REV1: variants seen among roughly 807,000 people sequenced by gnomAD.
REV1 encodes REV1 DNA directed polymerase.
Under a neutral mutation model 137.4 loss-of-function variants are expected in REV1, and 42 were observed. The ratio of observed to expected loss-of-function variants is 0.31; its 90% CI spans 0.24 to 0.40. REV1 has a LOEUF of 0.40. Among genes scored for constraint, REV1 ranks in the 10% least tolerant of loss-of-function variants. REV1 has a pLI of 1.00. For missense variants in REV1, 1,282 were observed against 1,490.1 expected, an observed-to-expected ratio of 0.86 and a Z score of 2.30; for synonymous variants, 524 against 519.2, an observed-to-expected ratio of 1.01 and a Z score of -0.12.
chr2:99,486,917 GAA>G (rs10711134), intron 1 of REV1, among the ~76,000 whole-genome samples: 2 of 149,382 alleles, frequency 1.3e-5, no homozygotes, highest in Non-Finnish European at 3.0e-5. Context: ...AAATAAGTGG[GAA>G]AAAAAAAACA....
chr2:99,417,313 T>G (rs1678036355), intron 12 of REV1, among the ~76,000 whole-genome samples: 1 of 152,074 alleles, frequency 6.6e-6, no homozygotes, highest in African/African-American at 2.4e-5. Flanking sequence ...GCTAATTTTT[T>G]TTGTAGTTCT....
In REV1 at chr2:99,438,850, T is replaced by C. The variant is rs780928985; in HGVS notation, c.964A>G (p.Ser322Gly). The C allele has an allele frequency of 1.2e-6, 2 of 1,614,134 alleles. No homozygotes were observed. Among genetic ancestry groups the C allele is most frequent in the East Asian group, 2.2e-5 (1 of 44,904 alleles). ...GATACTGAAGAAGTGCTTTTTGTGC[T>C]TGAAGGCCCCTGAACAGTGGAGTGG... ...AHHSTVQGPS[S>G]TKSTSSVSTF... Residue 322 changes from serine (S) to glycine (G), a missense_variant, in exon 6 of 23, where the codon AGC becomes GGC. Around this residue, in one of 7 missense-constraint regions of REV1, gnomAD observed 432 missense variants for 438.0 expected, o/e 0.99. Transcript: ENST00000258428.
chr2:99,426,526 G>A (rs1431759031), intron 9 of REV1, among the ~76,000 whole-genome samples: 1 of 152,034 alleles, frequency 6.6e-6, no homozygotes, highest in Non-Finnish European at 1.5e-5. Context: ...CTGTTTAAGA[G>A]CCATTAGACA....
At chr2:99,447,821 C>A (rs1451246) in intron 4 of REV1, among the ~76,000 whole-genome samples, 66,956 of 150,928 alleles carry the variant, frequency 0.44, 14,997 homozygotes, top group Admixed American at 0.58. Context: ...CCTGGGTTCA[C>A]GCGATTCTCC....
At chr2:99,456,876 G>A (rs548747688) in intron 3 of REV1, among the ~76,000 whole-genome samples, 1 of 152,280 alleles carries the variant, frequency 6.6e-6, no homozygotes, top group East Asian at 1.9e-4. Context: ...CAGAAACACA[G>A]AACTGTAAAA....
intron 1 of REV1, among the ~76,000 whole-genome samples, chr2:99,472,510 A>G (rs1685531320): frequency 6.6e-6 from 1 of 152,226 alleles, no homozygotes; most frequent in South Asian, 2.1e-4. Flanking sequence ...TTAAAATGGT[A>G]AACTTTTATA....
rs772023742 is a variant in REV1 at position 99,438,822 on chromosome 2, G to T, written c.992C>A (p.Thr331Lys). 6.2e-7 allele frequency: 1 copy of T among 1,614,222 alleles called. No individual in the cohort carries two copies. The highest frequency in any genetic ancestry group is 1.1e-5 in the South Asian group (1 of 91,088). Residue 331 changes from threonine (T) to lysine (K), a missense_variant, in exon 6 of 23, where the codon ACG (threonine) becomes AAG (lysine). By Grantham distance (78) the Thr-to-Lys change is moderately conservative. Around this residue, in one of 7 missense-constraint regions of REV1, gnomAD observed 432 missense variants for 438.0 expected, o/e 0.99. Transcript: ENST00000258428. ...CACTGAAGGTGCTGCCTTGCTAAAC[G>T]TAGATACTGAAGAAGTGCTTTTTGT... ...SSTKSTSSVS[T>K]FSKAAPSVPS...
rs1474752965 is a variant in REV1, at chr2:99,460,984, T to C, written c.181+1512A>G. 6.0e-5 allele frequency among the ~76,000 whole-genome samples: 9 copies of C among 151,236 alleles called. No homozygotes were observed. In the Admixed American group the frequency reaches 6.0e-4, roughly 10 times the overall value. ...TGTGAATAAGGGTGCTCTCTTGAAC[T>C]GGAGACTTCCATGACTGGCTAATGT... On this transcript the variant is annotated intron_variant, in intron 3 of 22. Coordinates refer to ENST00000258428, the MANE Select transcript of REV1 (RefSeq NM_016316.4).
At chr2:99,420,323 C>T (rs991787097) in intron 11 of REV1, among the ~76,000 whole-genome samples, 5 of 152,184 alleles carry the variant, frequency 3.3e-5, no homozygotes, top group Non-Finnish European at 7.3e-5. Flanking sequence ...GACAGTAAAC[C>T]TCTTACCTGG....
At chr2:99,481,264 T>G (rs1686581178) in intron 1 of REV1, among the ~76,000 whole-genome samples, 1 of 152,212 alleles carries the variant, frequency 6.6e-6, no homozygotes, top group Admixed American at 6.5e-5. Flanking sequence ...AAATTCAGAT[T>G]TTTTACAGCC....
At chr2:99,431,473 G>C (rs1050507106) in intron 8 of REV1, among the ~76,000 whole-genome samples, 1 of 152,154 alleles carries the variant, frequency 6.6e-6, no homozygotes, top group Non-Finnish European at 1.5e-5. Context: ...CACTTCAACA[G>C]AGGGTGCTAC....
intron 14 of REV1, chr2:99,408,528 T>C: frequency 6.5e-6 from 1 of 155,030 alleles, no homozygotes. Context: ...TCCAAGATTA[T>C]GTATGCTGAG....
chr2:99,453,489 A>G (rs1683154464), intron 3 of REV1, among the ~76,000 whole-genome samples: 1 of 152,166 alleles, frequency 6.6e-6, no homozygotes, highest in Non-Finnish European at 1.5e-5. Flanking sequence ...CAAAACATTA[A>G]ATTTTGCAAT....
chr2:99,455,550 A>G (rs1210654781), intron 3 of REV1, among the ~76,000 whole-genome samples: 3 of 152,220 alleles, frequency 2.0e-5, no homozygotes, highest in African/African-American at 2.4e-5. Flanking sequence ...GGTACTAGCA[A>G]AATTACAGGA....
At chr2:99,453,179 T>C (rs1370866162) in intron 3 of REV1, among the ~76,000 whole-genome samples, 1 of 151,944 alleles carries the variant, frequency 6.6e-6, no homozygotes, top group Non-Finnish European at 1.5e-5. Context: ...GCCAACATGG[T>C]GAAACCCCGT....
intron 3 of REV1, among the ~76,000 whole-genome samples, chr2:99,451,953 AT>A (rs958870896): frequency 4.1e-4 from 60 of 147,550 alleles, no homozygotes; most frequent in Middle Eastern, 3.5e-3. Flanking sequence ...CCTATTTTGA[AT>A]TTTTTTTTTT....
chr2:99,461,713 GA>G (rs1384594304), intron 3 of REV1, among the ~76,000 whole-genome samples: 2 of 152,188 alleles, frequency 1.3e-5, no homozygotes, highest in African/African-American at 4.8e-5. Context: ...ACAGTTCAGC[GA>G]AAGATAAAAC....
At chr2:99,470,957 G>C (rs760172163) in intron 1 of REV1, among the ~76,000 whole-genome samples, 16 of 152,160 alleles carry the variant, frequency 1.1e-4, no homozygotes, top group Non-Finnish European at 2.2e-4. Flanking sequence ...TTCCAAAGAG[G>C]TTTATCCTAT....
At chr2:99,413,360 A>G (rs746885996) in intron 12 of REV1, among the ~76,000 whole-genome samples, 14 of 152,258 alleles carry the variant, frequency 9.2e-5, no homozygotes. Flanking sequence ...TAAGGGATCT[A>G]TTATGATTTC....
Sources: gnomAD v4.1 joint callset for allele counts (sites outside exome capture counted in the v4.1 genomes callset) on GRCh38, gnomAD v4.1.1 for gene constraint, gnomAD v4.1.1 regional missense constraint, MANE v1.5 for transcripts, NCBI Gene and HGNC (gene_info 2026-07-23, HGNC 2026-07-21) for gene names.